The following SETD2 variants were observed in gnomAD, a reference collection of about 807,000 sequenced individuals.
The protein encoded by SETD2 is SET domain containing 2, histone lysine methyltransferase, also known as histone-lysine N-methyltransferase SETD2.
In SETD2, 31 loss-of-function variants were observed where a neutral mutation model predicts 242.1. The observed-to-expected ratio is 0.13, with a 90% CI of 0.10 to 0.17. SETD2 has a LOEUF of 0.17. SETD2 is among the 10% of genes least tolerant of loss of function. SETD2 has a pLI of 1.00. For missense variants in SETD2, 2,481 were observed against 3,046.3 expected (o/e 0.81, Z 4.37); for synonymous variants, 1,006 against 1,066.5 (o/e 0.94, Z 1.11).
At chr3:47,034,411 G>C (rs2038912119) in intron 18 of SETD2, among the ~76,000 whole-genome samples, 1 of 152,230 alleles carries the variant, frequency 6.6e-6, no homozygotes, top group African/African-American at 2.4e-5. Flanking sequence ...TGAATTAAGT[G>C]TTAGATTTAG....
intron 1 of SETD2, among the ~76,000 whole-genome samples, chr3:47,160,125 A>C (rs1365914964): frequency 6.6e-6 from 1 of 152,068 alleles, no homozygotes; most frequent in Non-Finnish European, 1.5e-5. Context: ...CCTTCACCCC[A>C]GTTATTAACA....
intron 1 of SETD2, among the ~76,000 whole-genome samples, chr3:47,126,986 TAAG>T (rs900446123): frequency 6.6e-6 from 1 of 152,068 alleles, no homozygotes; most frequent in African/African-American, 2.4e-5. Context: ...GGAGTAAATA[TAAG>T]AATAGAAATA....
intron 11 of SETD2, among the ~76,000 whole-genome samples, chr3:47,085,802 T>C (rs899652220): frequency 1.3e-5 from 2 of 152,220 alleles, no homozygotes; most frequent in African/African-American, 4.8e-5. Context: ...ATGTTCATAC[T>C]CTTGTTATGC....
At chr3:47,059,036 C>T (rs1297369879) in intron 14 of SETD2, among the ~76,000 whole-genome samples, 2 of 151,372 alleles carry the variant, frequency 1.3e-5, no homozygotes, top group Non-Finnish European at 2.9e-5. Context: ...GTCTTGATCT[C>T]CTGACCTCGT....
intron 18 of SETD2, among the ~76,000 whole-genome samples, chr3:47,024,906 GT>G (rs2038403614): frequency 6.6e-6 from 1 of 152,146 alleles, no homozygotes; most frequent in Admixed American, 6.5e-5. Context: ...TATCTTGATG[GT>G]GAGTACAAGA....
chr3:47,086,692 A>G (rs2041572716), intron 10 of SETD2, among the ~76,000 whole-genome samples: 1 of 152,002 alleles, frequency 6.6e-6, no homozygotes, highest in Non-Finnish European at 1.5e-5. Context: ...TCTCCCTTTC[A>G]GATGATTGTT....
chr3:47,041,376 G>A, intron 17 of SETD2: 1 of 448,290 alleles, frequency 2.2e-6, no homozygotes, highest in Non-Finnish European at 4.5e-6. Flanking sequence ...AGCTGGGTGT[G>A]GTGCCTCACG....
At position 47,106,493 on chromosome 3, in the gene SETD2, T is replaced by TTAAAA. The variant is rs1309150228; in HGVS notation, c.4716-374_4716-373insTTTTA. On this transcript the variant is annotated intron_variant, in intron 5 of 20. Transcript: ENST00000409792. Reference sequence around the variant, plus strand: ...CTGAAAAGTTAGAGGATTTTTGCTCTAAAAAAAAAAAAAAAAAAAAAAAAA... The same window carrying TTAAAA: ...CTGAAAAGTTAGAGGATTTTTGCTCTTAAAAAAAAAAAAAAAAAAAAAAAAAAAAA... Among the ~76,000 whole-genome samples the TTAAAA allele has an allele frequency of 9.8e-4, 56 of 57,260 alleles. 4 individuals carry two copies. Among genetic ancestry groups the TTAAAA allele is most frequent in the African/African-American group, 3.5e-3 (52 of 14,916 alleles). 37.6% of individuals were successfully genotyped at this position (57,260 alleles called of 152,430 possible). A position where few individuals can be genotyped will look rare whatever the true frequency, so the allele number is the denominator to read the frequency against.
Position 47,017,817 on chromosome 3 carries a change from A to G in SETD2, c.7432-78T>C. The G allele has an allele frequency of 1.9e-6, 2 of 1,042,554 alleles. No homozygotes were observed. The highest frequency in any genetic ancestry group is 3.0e-6 in the Non-Finnish European group (2 of 662,606). The allele number at this position is 1,042,554 out of a possible 1,614,324, so 64.6% of individuals were successfully genotyped here. A position where few individuals can be genotyped will look rare whatever the true frequency, so the allele number is the denominator to read the frequency against. ...AGTTGTACTGAGGAAATAACTAGAAAAGGTAGTGAGTAAAGCCAGCCAATC... is the reference window on the plus strand; with the variant it reads ...AGTTGTACTGAGGAAATAACTAGAAGAGGTAGTGAGTAAAGCCAGCCAATC... On this transcript the variant is annotated intron_variant, in intron 19 of 20. Transcript: ENST00000409792. The surrounding 1 kb of genome is among the most constrained non-coding windows in gnomAD (Gnocchi z 4.8).
At position 47,017,009 on chromosome 3, in the gene SETD2, G is replaced by T. The variant is rs2038010434; in HGVS notation, c.*84C>A. 2 of 1,312,290 alleles carry T rather than the reference G, an allele frequency of 1.5e-6. No individual in the cohort carries two copies. Among genetic ancestry groups the T allele is most frequent in the Non-Finnish European group, 2.2e-6 (2 of 917,650 alleles). The allele number at this position is 1,312,290 out of a possible 1,614,324, so 81.3% of individuals were successfully genotyped here. ...ATCATCAGTAGCACAGTGCTGACAG[G>T]GGTGGGACAGAAAGGCCCACAGGAT... On this transcript the variant is annotated 3_prime_UTR_variant, in exon 21 of 21. Coordinates refer to ENST00000409792, the MANE Select transcript of SETD2 (RefSeq NM_014159.7). The surrounding 1 kb of genome is among the most constrained non-coding windows in gnomAD (Gnocchi z 4.8).
At position 47,017,724 on chromosome 3, in the gene SETD2, C is replaced by T. The variant is rs141852778; in HGVS notation, c.7447G>A (p.Val2483Ile). The T allele has an allele frequency of 3.0e-5, 49 of 1,613,178 alleles. No homozygotes were observed. The highest frequency in any genetic ancestry group is 3.9e-5 in the Non-Finnish European group (46 of 1,179,372). ...VFRKEMSQFIVQCLNPYRKPD... is the reference protein window; with the variant it reads ...VFRKEMSQFIIQCLNPYRKPD... ...TTCCGGTAAGGGTTCAGGCACTGGA[C>T]GATGAACTGGGACATCTGCAGGCAG... The change falls in exon 20 of 21, where the codon GTC (valine) becomes ATC (isoleucine). Residue 2483 changes from valine to isoleucine, a missense_variant. Val to Ile is a conservative substitution (Grantham distance 29). Transcript: ENST00000409792. The surrounding 1 kb of genome is among the most constrained non-coding windows in gnomAD (Gnocchi z 4.8).
At chr3:47,056,061 C>CT (rs1422642649) in intron 15 of SETD2, among the ~76,000 whole-genome samples, 4 of 72,450 alleles carry the variant, frequency 5.5e-5, no homozygotes, top group South Asian at 4.7e-4. Flanking sequence ...CTTGTATAAT[C>CT]TAAAAAAAAA....
chr3:47,149,209 A>G (rs911739711), intron 1 of SETD2, among the ~76,000 whole-genome samples: 2 of 152,212 alleles, frequency 1.3e-5, no homozygotes, highest in African/African-American at 4.8e-5. Context: ...TTAAAAAGTC[A>G]GTTTTGGACA....
At position 47,084,014 on chromosome 3, in the gene SETD2, TTCTTCC is replaced by T. The variant is rs2107639036; in HGVS notation, c.5760_5765del (p.Glu1921_Glu1922del). Reference sequence around the variant, plus strand: ...GTGGGAGTAGCTGTTGTGACTGCAATTCTTCCTCTTCCTCTACAGGGACATTTTCTA... The same window carrying T: ...GTGGGAGTAGCTGTTGTGACTGCAATTCTTCCTCTACAGGGACATTTTCTA... On this transcript the variant is annotated inframe_deletion, in exon 12 of 21. Coordinates refer to ENST00000409792, the MANE Select transcript of SETD2 (RefSeq NM_014159.7). The T allele has an allele frequency of 6.2e-7, 1 of 1,614,140 alleles. No individual in the cohort carries two copies. Among genetic ancestry groups the T allele is most frequent in the Non-Finnish European group, 8.5e-7 (1 of 1,180,026 alleles).
At chr3:47,124,934 A>G (rs2043267125) in intron 2 of SETD2, among the ~76,000 whole-genome samples, 2 of 152,288 alleles carry the variant, frequency 1.3e-5, no homozygotes, top group South Asian at 2.1e-4. Context: ...TCAGTACTCA[A>G]TATGGTTTGT....
chr3:47,130,892 T>A (rs540325428), intron 1 of SETD2, among the ~76,000 whole-genome samples: 1 of 152,178 alleles, frequency 6.6e-6, no homozygotes, highest in East Asian at 1.9e-4. Context: ...CGAAGATAAA[T>A]CTCTATTAGG....
At chr3:47,160,546 G>A (rs1281500869) in intron 1 of SETD2, among the ~76,000 whole-genome samples, 1 of 151,792 alleles carries the variant, frequency 6.6e-6, no homozygotes, top group African/African-American at 2.4e-5. Context: ...CTGACCTCAG[G>A]TGATCCACCC....
intron 18 of SETD2, 142 bp downstream of exon 18, chr3:47,037,524 C>T (rs183420154): frequency 1.1e-5 from 7 of 612,858 alleles, no homozygotes; most frequent in Admixed American, 2.7e-5. Context: ...TTCTTTCTCC[C>T]TGACTTCATC....
intron 1 of SETD2, among the ~76,000 whole-genome samples, chr3:47,158,811 T>C (rs931618446): frequency 5.9e-5 from 9 of 152,204 alleles, no homozygotes; most frequent in Non-Finnish European, 1.0e-4. Flanking sequence ...ATCTGATTTC[T>C]ACACAAATCA....
Sources: gnomAD v4.1 joint callset for allele counts (sites outside exome capture counted in the v4.1 genomes callset) on GRCh38, gnomAD v4.1.1 for gene constraint, Gnocchi (gnomAD v3.1) non-coding constraint, MANE v1.5 for transcripts, NCBI Gene and HGNC (gene_info 2026-07-23, HGNC 2026-07-21) for gene names.